The following FOSL2 variants were observed in gnomAD, a reference collection of about 807,000 sequenced individuals.
The protein encoded by FOSL2 is FOS like 2, AP-1 transcription factor subunit.
A neutral mutation model predicts 27.7 loss-of-function variants in FOSL2; 3 were observed. The observed-to-expected ratio is 0.11, with a 90% CI of 0.05 to 0.28. The LOEUF is 0.28. FOSL2 is among the 10% of genes least tolerant of loss of function. The probability of loss-of-function intolerance (pLI) is 1.00; values close to 1 mark genes in which losing one functional copy is unlikely to be tolerated. For missense variants in FOSL2, 333 were observed against 445.1 expected, an observed-to-expected ratio of 0.75 and a Z score of 2.27; for synonymous variants, 179 against 190.1, an observed-to-expected ratio of 0.94 and a Z score of 0.48.
chr2:28,412,097 C>T lies in FOSL2; in HGVS notation c.630C>T (p.Arg210=), dbSNP rs1472847324. ...CAGCCCCTGGGCTGCAGCCCATGCGCAGTGGGGGTGGCTCGGTGGGCGCTG... is the reference window on the plus strand; with the variant it reads ...CAGCCCCTGGGCTGCAGCCCATGCGTAGTGGGGGTGGCTCGGTGGGCGCTG... ...SPPAPGLQPM[R]SGGGSVGAVV... The change falls in exon 4 of 4, where the codon CGC becomes CGT. Residue 210 remains arginine, a synonymous_variant. Coordinates refer to ENST00000264716, the MANE Select transcript of FOSL2 (RefSeq NM_005253.4). This position sits in a 1 kb window ranked among gnomAD's most constrained non-coding sequence, Gnocchi z 7.1. 1.2e-6 allele frequency: 2 copies of T among 1,606,430 alleles called. No homozygotes were observed. The highest frequency in any genetic ancestry group is 1.1e-5 in the South Asian group (1 of 91,050).
chr2:28,403,028 G>A (rs938032574), intron 1 of FOSL2, among the ~76,000 whole-genome samples: 2 of 152,148 alleles, frequency 1.3e-5, no homozygotes, highest in African/African-American at 4.8e-5. Context: ...GTTTTTAAGT[G>A]GGGAAGAAAC....
chr2:28,406,514 T>A (rs1364959021), intron 2 of FOSL2, among the ~76,000 whole-genome samples: 7 of 152,008 alleles, frequency 4.6e-5, no homozygotes, highest in Admixed American at 3.9e-4. Context: ...CCTGTTAGAG[T>A]CTCACAGTGA....
Position 28,393,772 on chromosome 2 carries a change from G to T in FOSL2, c.52G>T (p.Gly18Cys). 6.2e-7 allele frequency: 1 copy of T among 1,609,182 alleles called. No homozygotes were observed. The highest frequency in any genetic ancestry group is 2.2e-5 in the East Asian group (1 of 44,594). The change falls in exon 1 of 4, where the codon GGC becomes TGC. Residue 18 changes from glycine to cysteine, a missense_variant. Transcript: ENST00000264716. The surrounding 1 kb of genome is among the most constrained non-coding windows in gnomAD (Gnocchi z 4.6). ...NFDTSSRGSSGSPAHAESYSS... is the reference protein window; with the variant it reads ...NFDTSSRGSSCSPAHAESYSS... ...TGACACCTCGTCCCGGGGCAGCAGCGGCTCTCCTGCGCACGCCGAGTCCTA... is the reference window on the plus strand; with the variant it reads ...TGACACCTCGTCCCGGGGCAGCAGCTGCTCTCCTGCGCACGCCGAGTCCTA...
rs559170351 is a variant in FOSL2 at position 28,399,183 on chromosome 2, C to T, written c.103-4924C>T. ...AATGCTTGATAACCCAGACAAAAAT[C>T]TATCTGATGGAGAATCGCCTGGCCA... On this transcript the variant is annotated intron_variant, in intron 1 of 3. Coordinates refer to ENST00000264716, the MANE Select transcript of FOSL2 (RefSeq NM_005253.4). 2.6e-5 allele frequency among the ~76,000 whole-genome samples: 4 copies of T among 152,336 alleles called. No homozygotes were observed. In the East Asian group the frequency reaches 7.7e-4, roughly 29 times the overall value.
rs373663728 is a variant in FOSL2, at chr2:28,393,977, C to A, written c.102+155C>A. Among the ~76,000 whole-genome samples, 1 of 152,034 alleles carries A rather than the reference C, an allele frequency of 6.6e-6. No individual in the cohort carries two copies. The highest frequency in any genetic ancestry group is 1.5e-5 in the Non-Finnish European group (1 of 67,954). On this transcript the variant is annotated intron_variant, in intron 1 of 3. Transcript: ENST00000264716. This position sits in a 1 kb window ranked among gnomAD's most constrained non-coding sequence, Gnocchi z 4.6. ...GGATTTTCGTCCTCCCCTTCCCCCCCACCCCCTTTTAAACTAGGGGATTGG... is the reference window on the plus strand; with the variant it reads ...GGATTTTCGTCCTCCCCTTCCCCCCAACCCCCTTTTAAACTAGGGGATTGG...
At chr2:28,410,841 T>C (rs1664178268) in intron 3 of FOSL2, among the ~76,000 whole-genome samples, 1 of 152,082 alleles carries the variant, frequency 6.6e-6, no homozygotes, top group Non-Finnish European at 1.5e-5. Flanking sequence ...AGTCCTGAAA[T>C]ATGTGCTTAA....
At position 28,413,534 on chromosome 2, in the gene FOSL2, C is replaced by G. The variant is rs1558571395; in HGVS notation, c.*1086C>G. On this transcript the variant is annotated 3_prime_UTR_variant, in exon 4 of 4. Transcript: ENST00000264716. ...CCAGATGCTGCCAGGCAGCCCCTCC[C>G]CAAGCCTCAAAGAAGCATTTGCTGA... 2.5e-6 allele frequency: 1 copy of G among 398,614 alleles called. No individual in the cohort carries two copies. The highest frequency in any genetic ancestry group is 3.6e-5 in the East Asian group (1 of 28,076). The allele number at this position is 398,614 out of a possible 1,614,324, so 24.7% of individuals were successfully genotyped here. A position where few individuals can be genotyped will look rare whatever the true frequency, so the allele number is the denominator to read the frequency against.
chr2:28,415,793 A>G lies in FOSL2; in HGVS notation c.*3345A>G, dbSNP rs1664301076. 1 of 152,170 alleles carries G rather than the reference A, an allele frequency of 6.6e-6. No homozygotes were observed. 9.4% of individuals were successfully genotyped at this position (152,170 alleles called of 1,614,324 possible). A position where few individuals can be genotyped will look rare whatever the true frequency, so the allele number is the denominator to read the frequency against. ...ATCTCTTTATAAAAGGCCCCTAAGT[A>G]ATGGATAAACAGAAACACTTAGAGG... On this transcript the variant is annotated 3_prime_UTR_variant, in exon 4 of 4. Coordinates refer to ENST00000264716, the MANE Select transcript of FOSL2 (RefSeq NM_005253.4).
chr2:28,411,600 CGAT>C (rs968786905), intron 3 of FOSL2, among the ~76,000 whole-genome samples: 2 of 152,110 alleles, frequency 1.3e-5, no homozygotes, highest in African/African-American at 4.8e-5. Context: ...CAAAATGGGG[CGAT>C]GATAACATCT....
chr2:28,408,960 C>G lies in FOSL2; in HGVS notation c.462+94C>G. The G allele has an allele frequency of 2.7e-6, 2 of 733,688 alleles. No homozygotes were observed. Among genetic ancestry groups the G allele is most frequent in the Non-Finnish European group, 4.4e-6 (2 of 452,176 alleles). 45.4% of individuals were successfully genotyped at this position (733,688 alleles called of 1,614,324 possible). A position where few individuals can be genotyped will look rare whatever the true frequency, so the allele number is the denominator to read the frequency against. On this transcript the variant is annotated intron_variant, in intron 3 of 3. Coordinates refer to ENST00000264716, the MANE Select transcript of FOSL2 (RefSeq NM_005253.4). This position sits in a 1 kb window ranked among gnomAD's most constrained non-coding sequence, Gnocchi z 4.1. The stretch of plus-strand genomic sequence containing the variant: ...CCTCTCTCCCACAGCTGTCTCCTTA[C>G]CCACAAATGCCCTACAGATGAGTCA...
chr2:28,394,455 GC>G (rs1051546381), intron 1 of FOSL2: 1 of 152,904 alleles, frequency 6.5e-6, no homozygotes, highest in Non-Finnish European at 1.5e-5. Flanking sequence ...CTGCCTGCCT[GC>G]CCCCCCGCCG....
In FOSL2 at chr2:28,404,423, G is replaced by A. The variant is rs552217256; in HGVS notation, c.354+65G>A. On this transcript the variant is annotated intron_variant, in intron 2 of 3. Coordinates refer to ENST00000264716, the MANE Select transcript of FOSL2 (RefSeq NM_005253.4). The surrounding 1 kb of genome is among the most constrained non-coding windows in gnomAD (Gnocchi z 4.7). ...TTTCAGAGCCCCAGAAACACAGAAC[G>A]GGTTTCTGCAGACTGGGAGGGTTAA... 1.3e-5 allele frequency: 20 copies of A among 1,550,368 alleles called. No homozygotes were observed. The highest frequency in any genetic ancestry group is 9.7e-5 in the South Asian group (8 of 82,764).
intron 2 of FOSL2, among the ~76,000 whole-genome samples, chr2:28,406,364 G>C (rs577508315): frequency 3.3e-5 from 5 of 152,258 alleles, no homozygotes; most frequent in Non-Finnish European, 5.9e-5. Flanking sequence ...GCCCGGCCAC[G>C]CTCTCCATTC....
rs12624279 is a variant in FOSL2, at chr2:28,411,923, G to C, written c.463-7G>C. 6.2e-7 allele frequency: 1 copy of C among 1,613,900 alleles called. No homozygotes were observed. Among genetic ancestry groups the C allele is most frequent in the East Asian group, 2.2e-5 (1 of 44,874 alleles). Reference sequence around the variant, plus strand: ...CTGTCCCTCACATCCCTCTCTTTCCGTGGCAGGAGACAGAGGAGCTGGAGG... The same window carrying C: ...CTGTCCCTCACATCCCTCTCTTTCCCTGGCAGGAGACAGAGGAGCTGGAGG... On this transcript the variant is annotated splice_region_variant and splice_polypyrimidine_tract_variant and intron_variant, in intron 3 of 3. Coordinates refer to ENST00000264716, the MANE Select transcript of FOSL2 (RefSeq NM_005253.4).
intron 1 of FOSL2, among the ~76,000 whole-genome samples, chr2:28,399,537 G>A (rs1346240698): frequency 6.6e-6 from 1 of 152,086 alleles, no homozygotes; most frequent in African/African-American, 2.4e-5. Context: ...CAAGCAGCCC[G>A]GTGGCACCCT....
chr2:28,393,808 G>T lies in FOSL2; in HGVS notation c.88G>T (p.Gly30Cys). 1 of 1,598,484 alleles carries T rather than the reference G, an allele frequency of 6.3e-7. No homozygotes were observed. Among genetic ancestry groups the T allele is most frequent in the East Asian group, 2.3e-5 (1 of 43,824 alleles). Residue 30 changes from glycine (G) to cysteine (C), a missense_variant, in exon 1 of 4, where the codon GGC becomes TGC. Coordinates refer to ENST00000264716, the MANE Select transcript of FOSL2 (RefSeq NM_005253.4). The surrounding 1 kb of genome is among the most constrained non-coding windows in gnomAD (Gnocchi z 4.6). ...PAHAESYSSGGGGQQKFRVDM... is the reference protein window; with the variant it reads ...PAHAESYSSGCGGQQKFRVDM... ...GCACGCCGAGTCCTACTCCAGCGGCGGCGGCGGCCAGCAGGTAGGTGCGGG... is the reference window on the plus strand; with the variant it reads ...GCACGCCGAGTCCTACTCCAGCGGCTGCGGCGGCCAGCAGGTAGGTGCGGG...
In FOSL2 at chr2:28,408,545, G is replaced by A. The variant is rs951508635; in HGVS notation, c.355-214G>A. Among the ~76,000 whole-genome samples the A allele has an allele frequency of 4.6e-5, 7 of 152,134 alleles. No individual in the cohort carries two copies. The highest frequency in any genetic ancestry group is 1.7e-4 in the African/African-American group (7 of 41,412). On this transcript the variant is annotated intron_variant, in intron 2 of 3. Coordinates refer to ENST00000264716, the MANE Select transcript of FOSL2 (RefSeq NM_005253.4). This position sits in a 1 kb window ranked among gnomAD's most constrained non-coding sequence, Gnocchi z 4.1. ...ACTTTAAACTTGGACATCACCTTCCGGGGCAGATTCAGCTCAAAAGAGCCC... is the reference window on the plus strand; with the variant it reads ...ACTTTAAACTTGGACATCACCTTCCAGGGCAGATTCAGCTCAAAAGAGCCC...
chr2:28,397,616 C>T (rs1390132593), intron 1 of FOSL2, among the ~76,000 whole-genome samples: 1 of 152,166 alleles, frequency 6.6e-6, no homozygotes, highest in African/African-American at 2.4e-5. Context: ...TCTGCTTCTG[C>T]CTGTCTTATT....
In FOSL2 at chr2:28,413,477, A is replaced by C; in HGVS notation, c.*1029A>C. The C allele has an allele frequency of 2.5e-6, 1 of 398,348 alleles. No individual in the cohort carries two copies. The highest frequency in any genetic ancestry group is 4.4e-6 in the Non-Finnish European group (1 of 226,002). The allele number at this position is 398,348 out of a possible 1,614,324, so 24.7% of individuals were successfully genotyped here. A position where few individuals can be genotyped will look rare whatever the true frequency, so the allele number is the denominator to read the frequency against. On this transcript the variant is annotated 3_prime_UTR_variant, in exon 4 of 4. Transcript: ENST00000264716. ...TGGCTCTCAGGGTGACGCCACCCACAGAGATTTAATGAGCGTGGGCCTGGA... is the reference window on the plus strand; with the variant it reads ...TGGCTCTCAGGGTGACGCCACCCACCGAGATTTAATGAGCGTGGGCCTGGA...
Sources: gnomAD v4.1 joint callset for allele counts (sites outside exome capture counted in the v4.1 genomes callset) on GRCh38, gnomAD v4.1.1 for gene constraint, Gnocchi (gnomAD v3.1) non-coding constraint, MANE v1.5 for transcripts, NCBI Gene and HGNC (gene_info 2026-07-23, HGNC 2026-07-21) for gene names.